SCN8A: variants seen among roughly 807,000 people sequenced by gnomAD.
SCN8A encodes the protein sodium channel protein type 8 subunit alpha.
Under a neutral mutation model 184.1 loss-of-function variants are expected in SCN8A, and 30 were observed. The observed-to-expected ratio is 0.16, with a 90% CI of 0.12 to 0.22. The LOEUF (loss-of-function observed/expected upper bound fraction) is 0.22. Ranked by LOEUF, SCN8A falls within the 10% of genes least tolerant of loss-of-function variation. The pLI is 1.00. For synonymous variants in SCN8A, 852 were observed against 907.0 expected (o/e 0.94, Z 1.09); for missense variants, 1,057 against 2,498.9 (o/e 0.42, Z 12.30).
intron 15 of SCN8A, 65 bp downstream of exon 15, chr12:51,762,741 C>A: frequency 7.4e-7 from 1 of 1,354,160 alleles, no homozygotes; most frequent in Non-Finnish European, 9.9e-7. Context: ...AAGAGTTCTG[C>A]ATAAATTAAT....
intron 15 of SCN8A, among the ~76,000 whole-genome samples, chr12:51,763,235 G>A (rs756608494): frequency 9.9e-5 from 15 of 152,274 alleles, no homozygotes; most frequent in Admixed American, 1.3e-4. Flanking sequence ...AGCAGTGCAC[G>A]TTCAGTAGAA....
chr12:51,659,641 A>C (rs573197904), intron 1 of SCN8A, among the ~76,000 whole-genome samples: 1 of 152,266 alleles, frequency 6.6e-6, no homozygotes, highest in South Asian at 2.1e-4. Flanking sequence ...ACTTAATGAA[A>C]GCAGATTTTT....
intron 6 of SCN8A, 145 bp from the exon 7 acceptor site, chr12:51,699,425 A>G: frequency 1.8e-6 from 1 of 546,634 alleles, no homozygotes; most frequent in South Asian, 3.6e-5. Context: ...CTGACCTATT[A>G]TTATTCTCAT....
intron 1 of SCN8A, among the ~76,000 whole-genome samples, chr12:51,615,996 T>C (rs1939828273): frequency 6.6e-6 from 1 of 152,160 alleles, no homozygotes; most frequent in African/African-American, 2.4e-5. Context: ...CCTCCCAAAA[T>C]GGTGAGACTA....
At chr12:51,725,511 A>G (rs1201063442) in intron 12 of SCN8A, among the ~76,000 whole-genome samples, 2 of 152,200 alleles carry the variant, frequency 1.3e-5, no homozygotes, top group Non-Finnish European at 1.5e-5. Flanking sequence ...CATTTTATAT[A>G]CATTATCTCA....
chr12:51,779,181 T>C (rs974164538), intron 20 of SCN8A, among the ~76,000 whole-genome samples: 7 of 148,086 alleles, frequency 4.7e-5, no homozygotes, highest in Non-Finnish European at 1.0e-4. Context: ...GATTGTGCCA[T>C]TGCACTCCAG....
Position 51,753,640 on chromosome 12 carries a change from A to G in SCN8A, c.2370+2047A>G, listed in dbSNP as rs1033165224. On this transcript the variant is annotated intron_variant, in intron 14 of 26. Coordinates refer to ENST00000627620, the MANE Select transcript of SCN8A (RefSeq NM_001330260.2). ...TCAGAAGATTTGGGTTTTCATTCCT[A>G]TTAGATATCGTATAACCTTAAATAA... Among the ~76,000 whole-genome samples, 4 of 152,240 alleles carry G rather than the reference A, an allele frequency of 2.6e-5. No homozygotes were observed. The East Asian group carries it at 5.8e-4, about 22-fold the overall frequency.
intron 12 of SCN8A, among the ~76,000 whole-genome samples, chr12:51,733,427 T>C (rs2138804701): frequency 6.6e-6 from 1 of 152,332 alleles, no homozygotes; most frequent in South Asian, 2.1e-4. Flanking sequence ...ATGAATGATC[T>C]TTTTAATGTG....
At chr12:51,729,814 T>G (rs1180204260) in intron 12 of SCN8A, among the ~76,000 whole-genome samples, 1 of 152,192 alleles carries the variant, frequency 6.6e-6, no homozygotes, top group African/African-American at 2.4e-5. Flanking sequence ...TTGCTCCACA[T>G]CCTAGCCAAA....
intron 1 of SCN8A, among the ~76,000 whole-genome samples, chr12:51,644,574 T>G (rs964418597): frequency 4.6e-5 from 7 of 152,214 alleles, no homozygotes. Context: ...TGGCGTGATC[T>G]CGGCTCGCTA....
chr12:51,760,645 G>A (rs1251551346), intron 14 of SCN8A, among the ~76,000 whole-genome samples: 1 of 152,226 alleles, frequency 6.6e-6, no homozygotes, highest in Non-Finnish European at 1.5e-5. Flanking sequence ...AGGGTGAAAT[G>A]TATGTCAGGA....
chr12:51,808,631 T>C lies in SCN8A; in HGVS notation c.*1202T>C, dbSNP rs1010103810. The stretch of plus-strand genomic sequence containing the variant: ...GTGCTTTTCAAAGTAGCACCAGTTA[T>C]CTCTAGGGGTAATTTGGGGAACTTA... On this transcript the variant is annotated 3_prime_UTR_variant, in exon 27 of 27. Transcript: ENST00000627620. The C allele has an allele frequency of 3.3e-5, 5 of 152,234 alleles. No homozygotes were observed. The highest frequency in any genetic ancestry group is 1.2e-4 in the African/African-American group (5 of 41,464). The allele number at this position is 152,234 out of a possible 1,614,324, so 9.4% of individuals were successfully genotyped here.
intron 1 of SCN8A, among the ~76,000 whole-genome samples, chr12:51,658,009 A>C (rs936620342): frequency 1.8e-4 from 27 of 151,836 alleles, no homozygotes; most frequent in African/African-American, 6.3e-4. Context: ...GTTGTTCTGG[A>C]TACTGTATCT....
At position 51,712,338 on chromosome 12, in the gene SCN8A, TC is replaced by T. The variant is rs1010780187; in HGVS notation, c.1635+5624del. 9 of 594,794 alleles carry T rather than the reference TC, an allele frequency of 1.5e-5. No homozygotes were observed. The African/African-American group carries it at 1.7e-4, about 11-fold the overall frequency. 36.8% of individuals were successfully genotyped at this position (594,794 alleles called of 1,614,324 possible). A position where few individuals can be genotyped will look rare whatever the true frequency, so the allele number is the denominator to read the frequency against. ...TTTCTGACTATGGATCATCCTTCCT[TC>T]TGTGGCAGATTTTTACAGTTCCTCT... On this transcript the variant is annotated intron_variant, in intron 11 of 26. Coordinates refer to ENST00000627620, the MANE Select transcript of SCN8A (RefSeq NM_001330260.2).
rs1938700964 is a variant in SCN8A, at chr12:51,806,341, A to C, written c.4855A>C (p.Ile1619Leu). Residue 1619 changes from isoleucine to leucine, a missense_variant, in exon 27 of 27, where the codon ATC becomes CTC. Transcript: ENST00000627620. This position sits in a 1 kb window ranked among gnomAD's most constrained non-coding sequence, Gnocchi z 8.7. Reference sequence around the variant, plus strand: ...TGTTTCCCCAACCCTATTCCGAGTCATCCGATTGGCCCGTATTGGGCGCAT... The same window carrying C: ...TGTTTCCCCAACCCTATTCCGAGTCCTCCGATTGGCCCGTATTGGGCGCAT... Reference protein sequence around the residue: ...YFVSPTLFRVIRLARIGRILR... With the variant: ...YFVSPTLFRVLRLARIGRILR... 6.4e-7 allele frequency: 1 copy of C among 1,563,954 alleles called. No individual in the cohort carries two copies. Among genetic ancestry groups the C allele is most frequent in the African/African-American group, 1.4e-5 (1 of 73,622 alleles).
intron 5 of SCN8A, among the ~76,000 whole-genome samples, chr12:51,687,621 A>G (rs1941440459): frequency 6.6e-6 from 1 of 152,194 alleles, no homozygotes; most frequent in Non-Finnish European, 1.5e-5. Context: ...GTCTTACCGT[A>G]TGTAATTTAA....
At chr12:51,654,274 T>A (rs138461956) in intron 1 of SCN8A, among the ~76,000 whole-genome samples, 18 of 152,212 alleles carry the variant, frequency 1.2e-4, no homozygotes, top group African/African-American at 4.3e-4. Context: ...ACAGATCCAA[T>A]GTTATGAAGC....
chr12:51,668,649 C>T (rs1941078582), intron 2 of SCN8A, among the ~76,000 whole-genome samples: 1 of 152,068 alleles, frequency 6.6e-6, no homozygotes, highest in Admixed American at 6.6e-5. Context: ...TTCATGTTAG[C>T]CCCCTGTATT....
intron 1 of SCN8A, among the ~76,000 whole-genome samples, chr12:51,623,969 C>T (rs566743548): frequency 6.6e-6 from 1 of 152,194 alleles, no homozygotes; most frequent in South Asian, 2.1e-4. Flanking sequence ...GCATAGTATT[C>T]CATGGTGTAT....
Sources: allele counts gnomAD v4.1 joint callset (sites outside exome capture counted in the v4.1 genomes callset), GRCh38; gene constraint gnomAD v4.1.1; non-coding constraint Gnocchi (gnomAD v3.1); transcripts MANE v1.5; gene names NCBI Gene and HGNC (gene_info 2026-07-23, HGNC 2026-07-21).